The following ZNF280D variants were observed in gnomAD, a reference collection of about 807,000 sequenced individuals.
ZNF280D encodes suppressor of hairy wing homolog 4.
In ZNF280D, 39 loss-of-function variants were observed where a neutral mutation model predicts 94.7. That is an observed-to-expected ratio of 0.41 (90% CI 0.32 to 0.54). The LOEUF is 0.54. Among genes scored for constraint, ZNF280D ranks in the 20% least tolerant of loss-of-function variants. The probability of loss-of-function intolerance (pLI) is 0.22; values close to 1 mark genes in which losing one functional copy is unlikely to be tolerated. For synonymous variants in ZNF280D, 398 were observed against 377.6 expected, an observed-to-expected ratio of 1.05 and a Z score of -0.63; for missense variants, 1,090 against 1,149.3, an observed-to-expected ratio of 0.95 and a Z score of 0.75.
rs1405195869 is a variant in ZNF280D at position 56,669,942 on chromosome 15, A to AT, written c.1411-986dup. Among the ~76,000 whole-genome samples the AT allele has an allele frequency of 6.1e-4, 3 of 4,920 alleles. 1 individual carries two copies. The highest frequency in any genetic ancestry group is 2.2e-3 in the African/African-American group (3 of 1,378). The allele number at this position is 4,920 out of a possible 152,430, so 3.2% of individuals were successfully genotyped here. The stretch of plus-strand genomic sequence containing the variant: ...TATATATATTATATATATATTATAT[A>AT]TATATATTATATATATATATTATAT... On this transcript the variant is annotated intron_variant, in intron 13 of 21. Coordinates refer to ENST00000267807, the MANE Select transcript of ZNF280D (RefSeq NM_017661.4).
At chr15:56,697,895 T>C (rs1409658896) in intron 6 of ZNF280D, 1 of 152,232 alleles carries the variant, frequency 6.6e-6, no homozygotes, top group African/African-American at 2.4e-5. Context: ...TGCAAAGCTC[T>C]TAAATATCTA....
intron 1 of ZNF280D, among the ~76,000 whole-genome samples, chr15:56,712,345 G>GA (rs2057803159): frequency 1.3e-5 from 2 of 151,798 alleles, no homozygotes; most frequent in Admixed American, 6.6e-5. Flanking sequence ...TTTCTATTAA[G>GA]AAAAAAACGT....
intron 1 of ZNF280D, among the ~76,000 whole-genome samples, chr15:56,720,540 G>C (rs2058300542): frequency 6.6e-6 from 1 of 152,138 alleles, no homozygotes; most frequent in African/African-American, 2.4e-5. Flanking sequence ...ATTGGATCTA[G>C]AATGGTGACT....
At chr15:56,696,358 T>A (rs475512) in intron 6 of ZNF280D, among the ~76,000 whole-genome samples, 150,742 of 152,310 alleles carry the variant, frequency 0.99, 74,622 homozygotes, top group Middle Eastern at 1. Flanking sequence ...TATCATATCA[T>A]GCAGCTATCA....
intron 20 of ZNF280D, chr15:56,635,844 G>T (rs147892878): frequency 1.3e-5 from 2 of 152,268 alleles, no homozygotes; most frequent in African/African-American, 4.8e-5. Flanking sequence ...ACAATTACCA[G>T]CTATGGAGTA....
chr15:56,639,423 C>T (rs938601295), intron 20 of ZNF280D, among the ~76,000 whole-genome samples: 1 of 151,918 alleles, frequency 6.6e-6, no homozygotes, highest in Non-Finnish European at 1.5e-5. Context: ...GAAAACTTCT[C>T]CCAAACAGAA....
At chr15:56,709,490 C>T (rs1406854492) in intron 1 of ZNF280D, among the ~76,000 whole-genome samples, 4 of 152,030 alleles carry the variant, frequency 2.6e-5, no homozygotes, top group Non-Finnish European at 5.9e-5. Context: ...ACCATTTGAC[C>T]CAGCCCTTCC....
chr15:56,670,867 T>C (rs571933479), intron 13 of ZNF280D, among the ~76,000 whole-genome samples: 7 of 152,240 alleles, frequency 4.6e-5, no homozygotes, highest in African/African-American at 1.4e-4. Flanking sequence ...CTTTTAATAA[T>C]AGCCATTCTG....
At position 56,689,408 on chromosome 15, in the gene ZNF280D, G is replaced by A; in HGVS notation, c.562C>T (p.Pro188Ser). 6.3e-7 allele frequency: 1 copy of A among 1,597,618 alleles called. No homozygotes were observed. Among genetic ancestry groups the A allele is most frequent in the South Asian group, 1.1e-5 (1 of 87,342 alleles). ...CTTTCGCTGGGTTTAGGCTTCTTTG[G>A]ATTAACATTATTTACTTCAGAAGTA... The part of the protein sequence containing the change: ...PSTSEVNNVN[P>S]KKPKPSESVS... The change falls in exon 8 of 22, where the codon CCA becomes TCA. Residue 188 changes from proline to serine, a missense_variant. Pro to Ser is a moderately conservative substitution (Grantham distance 74). Transcript: ENST00000267807.
intron 13 of ZNF280D, among the ~76,000 whole-genome samples, chr15:56,674,416 TA>T (rs1424366804): frequency 6.6e-6 from 1 of 152,070 alleles, no homozygotes; most frequent in East Asian, 1.9e-4. Context: ...ATATCTGTAT[TA>T]AATTTTTTAT....
At chr15:56,670,257 G>C (rs1005690722) in intron 13 of ZNF280D, among the ~76,000 whole-genome samples, 52 of 150,060 alleles carry the variant, frequency 3.5e-4, no homozygotes, top group African/African-American at 1.2e-3. Flanking sequence ...TTGATACACA[G>C]GTAAACGTGT....
chr15:56,729,565 CAA>C (rs1266803256), intron 1 of ZNF280D, among the ~76,000 whole-genome samples: 3 of 152,122 alleles, frequency 2.0e-5, no homozygotes. Flanking sequence ...GTGACACATT[CAA>C]AAAGTGGGTC....
intron 1 of ZNF280D, among the ~76,000 whole-genome samples, chr15:56,731,219 T>G (rs7182346): frequency 0.83 from 125,688 of 152,108 alleles, 52,092 homozygotes; most frequent in African/African-American, 0.88. Flanking sequence ...AAAGGTCAAT[T>G]TCGCCCAGTG....
At chr15:56,672,225 G>A (rs542384970) in intron 13 of ZNF280D, among the ~76,000 whole-genome samples, 112 of 152,240 alleles carry the variant, frequency 7.4e-4, no homozygotes, top group Non-Finnish European at 1.3e-3. Flanking sequence ...TGTTGAATAG[G>A]AGTGGTGAGA....
In ZNF280D at chr15:56,711,558, G is replaced by A. The variant is rs555710527; in HGVS notation, c.-85-4252C>T. On this transcript the variant is annotated intron_variant, in intron 1 of 21. Transcript: ENST00000267807. ...AGCATGCCTGTAATCCAAGCTACTC[G>A]GGAGGCTGAAGAAGAATGGCTTTAA... Among the ~76,000 whole-genome samples, 9 of 152,168 alleles carry A rather than the reference G, an allele frequency of 5.9e-5. No individual in the cohort carries two copies. In the East Asian group the frequency reaches 1.2e-3, roughly 20 times the overall value.
At chr15:56,666,299 G>GA (rs1411196946) in intron 16 of ZNF280D, 96 bp downstream of exon 16, 1 of 1,355,598 alleles carries the variant, frequency 7.4e-7, no homozygotes, top group African/African-American at 1.5e-5. Context: ...TCCTTGAAGA[G>GA]AAAAACTGGC....
intron 9 of ZNF280D, among the ~76,000 whole-genome samples, chr15:56,686,260 TC>T (rs1230693955): frequency 1.3e-5 from 2 of 152,188 alleles, no homozygotes; most frequent in East Asian, 1.9e-4. Context: ...CGCCTCAGCC[TC>T]CCAAGCAGTG....
intron 20 of ZNF280D, 41 bp downstream of exon 20, chr15:56,642,911 A>C: frequency 7.2e-7 from 1 of 1,389,594 alleles, no homozygotes; most frequent in Non-Finnish European, 9.5e-7. Context: ...AATACTTTCA[A>C]ATGTATAAAC....
chr15:56,678,862 A>G, intron 10 of ZNF280D, 41 bp from the exon 11 acceptor site: 1 of 1,447,564 alleles, frequency 6.9e-7, no homozygotes, highest in Non-Finnish European at 9.2e-7. Flanking sequence ...TGAGATTTAA[A>G]AACAAAAAGG....
Sources: allele counts gnomAD v4.1 joint callset (sites outside exome capture counted in the v4.1 genomes callset), GRCh38; gene constraint gnomAD v4.1.1; transcripts MANE v1.5; gene names NCBI Gene and HGNC (gene_info 2026-07-23, HGNC 2026-07-21).